The following ZNF804B variants were observed in gnomAD, a reference collection of about 807,000 sequenced individuals.
ZNF804B encodes zinc finger 804B.
In ZNF804B, 80 loss-of-function variants were observed where a neutral mutation model predicts 101.4. That is an observed-to-expected ratio of 0.79 (90% CI 0.66 to 0.95). The LOEUF is 0.95. ZNF804B is among the 40% of genes least tolerant of loss of function. The probability of loss-of-function intolerance (pLI) is 0.00; values close to 1 mark genes in which losing one functional copy is unlikely to be tolerated. For missense variants in ZNF804B, 1,673 were observed against 1,561.9 expected, an observed-to-expected ratio of 1.07 and a Z score of -1.20; for synonymous variants, 622 against 558.8, an observed-to-expected ratio of 1.11 and a Z score of -1.59.
chr7:89,175,585 G>T (rs13221229), intron 1 of ZNF804B, among the ~76,000 whole-genome samples: 61,943 of 151,796 alleles, frequency 0.41, 13,185 homozygotes, highest in Non-Finnish European at 0.47. Context: ...ATTTTAGGAT[G>T]ACTGTTGCTA....
At chr7:88,774,909 A>G (rs940572078) in intron 1 of ZNF804B, among the ~76,000 whole-genome samples, 2 of 152,186 alleles carry the variant, frequency 1.3e-5, no homozygotes, top group African/African-American at 2.4e-5. Context: ...GTTCCCAGTG[A>G]AAAGCTCTCA....
intron 1 of ZNF804B, among the ~76,000 whole-genome samples, chr7:89,171,356 T>TTCTTCTTCTTCTTCTTCC (rs1282426438): frequency 1.2e-4 from 12 of 99,256 alleles, no homozygotes; most frequent in Admixed American, 2.9e-4. Context: ...CTTCTTCTTC[T>TTCTTCTTCTTCTTCTTCC]TCCTCCTCTT....
intron 2 of ZNF804B, among the ~76,000 whole-genome samples, chr7:89,266,455 G>C (rs1789798180): frequency 1.3e-5 from 2 of 152,002 alleles, no homozygotes. Flanking sequence ...AACTATAGGA[G>C]GCTCACCTAT....
chr7:89,310,720 A>G (rs1343159939), intron 2 of ZNF804B, among the ~76,000 whole-genome samples: 2 of 152,180 alleles, frequency 1.3e-5, no homozygotes, highest in African/African-American at 4.8e-5. Context: ...AAATCAATAA[A>G]ATGTTAGGTT....
At chr7:88,762,896 T>C (rs1277947051) in intron 1 of ZNF804B, among the ~76,000 whole-genome samples, 1 of 152,178 alleles carries the variant, frequency 6.6e-6, no homozygotes, top group Non-Finnish European at 1.5e-5. Flanking sequence ...TCTCTCCTAT[T>C]ACTTTTGCTC....
rs13438021 is a variant in ZNF804B, at chr7:88,907,519, A to G, written c.108+147435A>G. Among the ~76,000 whole-genome samples the G allele has an allele frequency of 2.3e-3, 355 of 152,118 alleles. 2 individuals are homozygous for G. Among genetic ancestry groups the G allele is most frequent in the African/African-American group, 8.2e-3 (340 of 41,562 alleles). On this transcript the variant is annotated intron_variant, in intron 1 of 3. Coordinates refer to ENST00000333190, the MANE Select transcript of ZNF804B (RefSeq NM_181646.5). ...TAACATTGCTATAGCATTTAAACTAATTTAAATCTAATTTAAACTAATTTA... is the reference window on the plus strand; with the variant it reads ...TAACATTGCTATAGCATTTAAACTAGTTTAAATCTAATTTAAACTAATTTA...
intron 1 of ZNF804B, among the ~76,000 whole-genome samples, chr7:89,051,346 C>A (rs1789201261): frequency 6.6e-6 from 1 of 151,974 alleles, no homozygotes; most frequent in South Asian, 2.1e-4. Flanking sequence ...TTTCAATGGC[C>A]AAAAGAAATT....
chr7:89,188,110 C>T (rs549621635), intron 1 of ZNF804B, among the ~76,000 whole-genome samples: 48 of 151,742 alleles, frequency 3.2e-4, no homozygotes, highest in African/African-American at 1.0e-3. Flanking sequence ...GTGGCAATGC[C>T]GCATCAAACA....
chr7:88,933,435 G>A (rs1010828477), intron 1 of ZNF804B, among the ~76,000 whole-genome samples: 47 of 151,826 alleles, frequency 3.1e-4, no homozygotes, highest in African/African-American at 1.1e-3. Flanking sequence ...GAAGTCATAG[G>A]CAGCGCAATC....
At chr7:89,256,695 G>T (rs1789636307) in intron 2 of ZNF804B, among the ~76,000 whole-genome samples, 1 of 152,134 alleles carries the variant, frequency 6.6e-6, no homozygotes, top group Non-Finnish European at 1.5e-5. Context: ...TATTTCATTT[G>T]CATAAATATC....
At chr7:89,307,039 G>A (rs1269238243) in intron 2 of ZNF804B, among the ~76,000 whole-genome samples, 1 of 151,958 alleles carries the variant, frequency 6.6e-6, no homozygotes, top group African/African-American at 2.4e-5. Context: ...GTAAATGAAT[G>A]TGCTTGTTTC....
At chr7:88,849,854 A>T (rs1791427291) in intron 1 of ZNF804B, among the ~76,000 whole-genome samples, 1 of 151,958 alleles carries the variant, frequency 6.6e-6, no homozygotes, top group South Asian at 2.1e-4. Flanking sequence ...GCCTTATTTA[A>T]AAATAAGGCA....
intron 1 of ZNF804B, among the ~76,000 whole-genome samples, chr7:88,790,599 G>C (rs1790366292): frequency 6.6e-6 from 1 of 152,046 alleles, no homozygotes; most frequent in Non-Finnish European, 1.5e-5. Context: ...CAAAGGACAT[G>C]ATCTTGTTCC....
intron 2 of ZNF804B, among the ~76,000 whole-genome samples, chr7:89,309,394 A>G (rs533101947): frequency 6.6e-6 from 1 of 152,152 alleles, no homozygotes; most frequent in African/African-American, 2.4e-5. Flanking sequence ...AAAATGATCT[A>G]GAAACTTATC....
intron 1 of ZNF804B, among the ~76,000 whole-genome samples, chr7:89,158,321 C>T (rs1333689277): frequency 6.6e-6 from 1 of 152,136 alleles, no homozygotes; most frequent in Non-Finnish European, 1.5e-5. Context: ...CACTGCCCTC[C>T]GTATAATCTT....
chr7:89,254,599 A>G lies in ZNF804B; in HGVS notation c.249+36304A>G, dbSNP rs1192775266. 3.3e-5 allele frequency among the ~76,000 whole-genome samples: 5 copies of G among 151,810 alleles called. No individual in the cohort carries two copies. The South Asian group carries it at 1.0e-3, about 31-fold the overall frequency. On this transcript the variant is annotated intron_variant, in intron 2 of 3. Transcript: ENST00000333190. ...GTGGAATGTGGAAAATTTACTCCAT[A>G]TAAAGGATGAAAACAGCCAGGACAC...
At chr7:89,090,087 C>T (rs1277497213) in intron 1 of ZNF804B, among the ~76,000 whole-genome samples, 1 of 151,942 alleles carries the variant, frequency 6.6e-6, no homozygotes, top group Non-Finnish European at 1.5e-5. Flanking sequence ...TCTTAGTTTC[C>T]AACATCTAAT....
At chr7:88,929,429 A>G (rs142327005) in intron 1 of ZNF804B, among the ~76,000 whole-genome samples, 4 of 152,040 alleles carry the variant, frequency 2.6e-5, no homozygotes, top group African/African-American at 9.6e-5. Context: ...TAGAGTTTTG[A>G]GTTAAAAGGT....
intron 1 of ZNF804B, among the ~76,000 whole-genome samples, chr7:88,817,848 A>G (rs757593560): frequency 1.3e-5 from 2 of 152,148 alleles, no homozygotes; most frequent in Admixed American, 6.6e-5. Context: ...TGTTATTCCA[A>G]TAGAGGAACA....
Sources: gnomAD v4.1 joint callset for allele counts (sites outside exome capture counted in the v4.1 genomes callset) on GRCh38, gnomAD v4.1.1 for gene constraint, MANE v1.5 for transcripts, NCBI Gene and HGNC (gene_info 2026-07-23, HGNC 2026-07-21) for gene names.